Variants in KHDRBS2 observed in about 807,000 individuals in gnomAD.
The protein encoded by KHDRBS2 is KH RNA binding domain containing, signal transduction associated 2, also known as KH domain-containing, RNA-binding, signal transduction-associated protein 2.
Under a neutral mutation model 44.3 loss-of-function variants are expected in KHDRBS2, and 26 were observed. The observed-to-expected ratio is 0.59, with a 90% CI of 0.43 to 0.81. The LOEUF (loss-of-function observed/expected upper bound fraction) is 0.81. Among genes scored for constraint, KHDRBS2 ranks in the 40% least tolerant of loss-of-function variants. KHDRBS2 has a pLI of 0.00. For missense variants in KHDRBS2, 476 were observed against 433.1 expected, an observed-to-expected ratio of 1.10 and a Z score of -0.88; for synonymous variants, 194 against 151.1, an observed-to-expected ratio of 1.28 and a Z score of -2.08.
At chr6:61,901,153 G>GT in intron 5 of KHDRBS2, 91 bp downstream of exon 5, 2 of 1,224,508 alleles carry the variant, frequency 1.6e-6, no homozygotes, top group South Asian at 2.9e-5. Flanking sequence ...GGCTGATGTT[G>GT]TTGTTTACTG....
chr6:61,650,114 G>A, the KHDRBS2 span, among the ~76,000 whole-genome samples: 1 of 152,074 alleles, frequency 6.6e-6, no homozygotes, highest in Admixed American at 6.6e-5. Flanking sequence ...CTTTCTGCCT[G>A]CATTATGCAG....
the KHDRBS2 span, chr6:61,574,302 T>C: frequency 6.7e-6 from 10 of 1,500,470 alleles, no homozygotes; most frequent in Non-Finnish European, 8.1e-6. Context: ...CATGATCACT[T>C]GTTCCTTAAA....
intron 2 of KHDRBS2, among the ~76,000 whole-genome samples, chr6:62,141,227 A>G (rs188203553): frequency 1.8e-4 from 27 of 152,334 alleles, no homozygotes; most frequent in Non-Finnish European, 3.7e-4. Context: ...TAAAATGAGA[A>G]AGAGAGAAGA....
intron 4 of KHDRBS2, among the ~76,000 whole-genome samples, chr6:61,917,909 A>G (rs1356614272): frequency 6.6e-6 from 1 of 151,994 alleles, no homozygotes; most frequent in Non-Finnish European, 1.5e-5. Flanking sequence ...CAAGATTTAA[A>G]AAGTCATATT....
rs543201057 is a variant in KHDRBS2, at chr6:62,281,959, A to T, written c.91+3899T>A. On this transcript the variant is annotated intron_variant, in intron 1 of 8. Coordinates refer to ENST00000281156, the MANE Select transcript of KHDRBS2 (RefSeq NM_152688.4). Reference sequence around the variant, plus strand: ...AATTTTTTGCCCATGTTTGTTTTGTATTTAAGAAACATAAGATTATCCCAA... The same window carrying T: ...AATTTTTTGCCCATGTTTGTTTTGTTTTTAAGAAACATAAGATTATCCCAA... Among the ~76,000 whole-genome samples the T allele has an allele frequency of 2.0e-5, 3 of 152,284 alleles. No homozygotes were observed. In the South Asian group the frequency reaches 6.2e-4, roughly 32 times the overall value.
intron 1 of KHDRBS2, among the ~76,000 whole-genome samples, chr6:62,228,976 A>T (rs902311122): frequency 1.3e-5 from 2 of 152,138 alleles, no homozygotes; most frequent in Non-Finnish European, 2.9e-5. Flanking sequence ...GATCTCACCC[A>T]GTTGGGTGGC....
At position 61,746,526 on chromosome 6, in the gene KHDRBS2, C is replaced by T. The variant is rs114919340; in HGVS notation, c.811-13762G>A. Among the ~76,000 whole-genome samples, 1,383 of 152,076 alleles carry T rather than the reference C, an allele frequency of 9.1e-3. 15 individuals are homozygous for T. Among genetic ancestry groups the T allele is most frequent in the Middle Eastern group, 0.017 (5 of 294 alleles). ...GCTGCATAGTATTCTATGGTGTATACGTGTCATATTTTCTTTATCCAGTCT... is the reference window on the plus strand; with the variant it reads ...GCTGCATAGTATTCTATGGTGTATATGTGTCATATTTTCTTTATCCAGTCT... On this transcript the variant is annotated intron_variant, in intron 6 of 8. Coordinates refer to ENST00000281156, the MANE Select transcript of KHDRBS2 (RefSeq NM_152688.4).
At chr6:61,840,290 G>T (rs1373856132) in intron 6 of KHDRBS2, among the ~76,000 whole-genome samples, 1 of 152,046 alleles carries the variant, frequency 6.6e-6, no homozygotes, top group African/African-American at 2.4e-5. Context: ...GCATCACAAA[G>T]CAGGTAATAT....
Position 62,267,766 on chromosome 6 carries a change from T to C in KHDRBS2, c.91+18092A>G, listed in dbSNP as rs1189304828. Among the ~76,000 whole-genome samples, 3 of 152,040 alleles carry C rather than the reference T, an allele frequency of 2.0e-5. No homozygotes were observed. In the East Asian group the frequency reaches 5.8e-4, roughly 29 times the overall value. ...ACTGACTAGTACTGCAAAAATTTGA[T>C]AAAAGTATAAAAAGATGCTTTCAGG... On this transcript the variant is annotated intron_variant, in intron 1 of 8. Coordinates refer to ENST00000281156, the MANE Select transcript of KHDRBS2 (RefSeq NM_152688.4).
intron 3 of KHDRBS2, among the ~76,000 whole-genome samples, chr6:62,038,505 C>T (rs1307991044): frequency 2.6e-5 from 4 of 152,044 alleles, no homozygotes; most frequent in Non-Finnish European, 5.9e-5. Context: ...AAATAGATTA[C>T]TATTCAACTT....
intron 7 of KHDRBS2, among the ~76,000 whole-genome samples, chr6:61,698,640 A>C (rs1049893253): frequency 6.6e-6 from 1 of 152,066 alleles, no homozygotes; most frequent in African/African-American, 2.4e-5. Context: ...AGTCTTTAGG[A>C]GAAAAATAAA....
intron 1 of KHDRBS2, among the ~76,000 whole-genome samples, chr6:62,237,411 T>A (rs1053010050): frequency 2.6e-5 from 4 of 152,100 alleles, no homozygotes; most frequent in African/African-American, 7.2e-5. Flanking sequence ...TTTTAATAAA[T>A]CACCTACTCA....
chr6:61,945,558 A>G (rs184380584), intron 4 of KHDRBS2, among the ~76,000 whole-genome samples: 1 of 152,180 alleles, frequency 6.6e-6, no homozygotes, highest in East Asian at 1.9e-4. Flanking sequence ...TTTTAATATA[A>G]CATTTTATTT....
intron 2 of KHDRBS2, among the ~76,000 whole-genome samples, chr6:62,097,393 T>A (rs572006365): frequency 6.6e-6 from 1 of 152,104 alleles, no homozygotes; most frequent in Non-Finnish European, 1.5e-5. Flanking sequence ...ATATTTGTTA[T>A]ATATACTTAG....
At chr6:61,581,133 A>C in the KHDRBS2 span, among the ~76,000 whole-genome samples, 1 of 152,154 alleles carries the variant, frequency 6.6e-6, no homozygotes, top group Non-Finnish European at 1.5e-5. Context: ...TCTCTGCTTC[A>C]CTCAGGCTGT....
chr6:62,044,395 G>A (rs12153915), intron 3 of KHDRBS2, among the ~76,000 whole-genome samples: 29,352 of 151,698 alleles, frequency 0.19, 3,437 homozygotes, highest in Admixed American at 0.31. Context: ...AATATCACTC[G>A]AGCCCTGAGC....
intron 4 of KHDRBS2, among the ~76,000 whole-genome samples, chr6:61,956,076 C>A (rs929551361): frequency 6.6e-6 from 1 of 151,910 alleles, no homozygotes; most frequent in African/African-American, 2.4e-5. Context: ...GTCTGTATTC[C>A]CAGCTATTCG....
intron 1 of KHDRBS2, among the ~76,000 whole-genome samples, chr6:62,273,401 C>T (rs16882937): frequency 0.012 from 1,832 of 152,200 alleles, 35 homozygotes; most frequent in African/African-American, 0.042. Flanking sequence ...ATTAGAGGCC[C>T]TTAATCCTTG....
chr6:62,229,535 C>G (rs1298239158), intron 1 of KHDRBS2, among the ~76,000 whole-genome samples: 2 of 152,204 alleles, frequency 1.3e-5, no homozygotes, highest in Non-Finnish European at 2.9e-5. Flanking sequence ...CTTGTTGCCC[C>G]TCCCCACTGG....
Sources: gnomAD v4.1 joint callset for allele counts (sites outside exome capture counted in the v4.1 genomes callset) on GRCh38, gnomAD v4.1.1 for gene constraint, MANE v1.5 for transcripts, NCBI Gene and HGNC (gene_info 2026-07-23, HGNC 2026-07-21) for gene names.